CTNNA3: variants seen among roughly 807,000 people sequenced by gnomAD.
The protein encoded by CTNNA3 is catenin alpha-3.
CTNNA3 carries 76 observed loss-of-function variants against 95.7 expected under a neutral mutation model. The ratio of observed to expected loss-of-function variants is 0.79; its 90% CI spans 0.66 to 0.96. The LOEUF (loss-of-function observed/expected upper bound fraction) is 0.96, where lower values mean the gene tolerates loss of function less well. Ranked by LOEUF, CTNNA3 falls within the 40% of genes least tolerant of loss-of-function variation. CTNNA3 has a pLI of 0.00. For synonymous variants in CTNNA3, 431 were observed against 374.4 expected, an observed-to-expected ratio of 1.15 and a Z score of -1.74; for missense variants, 1,191 against 1,089.8, an observed-to-expected ratio of 1.09 and a Z score of -1.31.
chr10:67,128,533 G>T (rs1859835863), intron 7 of CTNNA3, among the ~76,000 whole-genome samples: 1 of 151,864 alleles, frequency 6.6e-6, no homozygotes, highest in African/African-American at 2.4e-5. Flanking sequence ...CACTTTGCAG[G>T]CTGCACTATA....
At chr10:66,021,404 T>G (rs756791230) in intron 15 of CTNNA3, among the ~76,000 whole-genome samples, 1 of 152,194 alleles carries the variant, frequency 6.6e-6, no homozygotes, top group African/African-American at 2.4e-5. Context: ...GGATTTGTGT[T>G]TGTCGTTATT....
rs556525679 is a variant in CTNNA3, at chr10:66,868,572, G to A, written c.1048-93048C>T. Among the ~76,000 whole-genome samples the A allele has an allele frequency of 7.1e-4, 107 of 150,372 alleles. 1 individual carries two copies. Among genetic ancestry groups the A allele is most frequent in the African/African-American group, 2.4e-3 (99 of 40,854 alleles). On this transcript the variant is annotated intron_variant, in intron 7 of 17. Transcript: ENST00000433211. ...TCGAGACCAGCATGGCCAACATGGT[G>A]AAACCCCATCTCTACTAAAAATACA... is the stretch of plus-strand genomic sequence containing the variant.
intron 9 of CTNNA3, among the ~76,000 whole-genome samples, chr10:66,673,498 T>G (rs1846737884): frequency 6.6e-6 from 1 of 152,084 alleles, no homozygotes; most frequent in Non-Finnish European, 1.5e-5. Context: ...AAATAACACT[T>G]TAATACACCA....
intron 3 of CTNNA3, among the ~76,000 whole-genome samples, chr10:67,584,202 T>A (rs1019338648): frequency 1.3e-5 from 2 of 152,348 alleles, no homozygotes; most frequent in South Asian, 4.1e-4. Flanking sequence ...TGTGGTTTTA[T>A]CTACCTTTGG....
At chr10:66,205,199 A>T (rs1425539905) in intron 13 of CTNNA3, among the ~76,000 whole-genome samples, 1 of 152,026 alleles carries the variant, frequency 6.6e-6, no homozygotes, top group African/African-American at 2.4e-5. Context: ...TTTCTATAGT[A>T]CAGTAAGTCC....
intron 11 of CTNNA3, among the ~76,000 whole-genome samples, chr10:66,467,788 G>A (rs1838977662): frequency 6.6e-6 from 1 of 152,022 alleles, no homozygotes; most frequent in Non-Finnish European, 1.5e-5. Context: ...CATAGCGTAT[G>A]GTAAGTGAAA....
chr10:66,444,246 C>A, intron 11 of CTNNA3, among the ~76,000 whole-genome samples: 1 of 152,168 alleles, frequency 6.6e-6, no homozygotes, highest in Non-Finnish European at 1.5e-5. Context: ...TTGGAAAACA[C>A]TCTGCAGGAT....
intron 12 of CTNNA3, among the ~76,000 whole-genome samples, chr10:66,352,240 C>A (rs147914609): frequency 3.8e-4 from 58 of 152,184 alleles, no homozygotes; most frequent in African/African-American, 1.3e-3. Context: ...CATACATGGG[C>A]TCTTTGGGGC....
At chr10:66,457,119 C>CA (rs1281015745) in intron 11 of CTNNA3, among the ~76,000 whole-genome samples, 4 of 151,770 alleles carry the variant, frequency 2.6e-5, no homozygotes, top group Non-Finnish European at 5.9e-5. Context: ...CAAAACAAAA[C>CA]AAAAAAACCT....
At chr10:66,210,204 C>A (rs2088048133) in intron 13 of CTNNA3, among the ~76,000 whole-genome samples, 1 of 151,424 alleles carries the variant, frequency 6.6e-6, no homozygotes, top group Admixed American at 6.6e-5. Context: ...TAAACTGTAT[C>A]ATATATGGGA....
chr10:66,814,398 C>A (rs1197441287), intron 7 of CTNNA3, among the ~76,000 whole-genome samples: 1 of 151,964 alleles, frequency 6.6e-6, no homozygotes, highest in Non-Finnish European at 1.5e-5. Context: ...AGGGGTCAAG[C>A]CTATGATGAA....
chr10:66,386,620 A>G (rs1424366868), intron 11 of CTNNA3, among the ~76,000 whole-genome samples: 1 of 152,214 alleles, frequency 6.6e-6, no homozygotes, highest in Non-Finnish European at 1.5e-5. Context: ...TGGAACCAAA[A>G]AAGAGCCCAC....
intron 5 of CTNNA3, among the ~76,000 whole-genome samples, chr10:67,319,038 C>A (rs896216182): frequency 6.6e-6 from 1 of 152,106 alleles, no homozygotes; most frequent in African/African-American, 2.4e-5. Flanking sequence ...TTATGCTGAC[C>A]ATCTGCTTTC....
intron 11 of CTNNA3, among the ~76,000 whole-genome samples, chr10:66,465,975 G>A (rs1838895206): frequency 6.6e-6 from 1 of 152,092 alleles, no homozygotes; most frequent in Non-Finnish European, 1.5e-5. Flanking sequence ...TTATGCCACA[G>A]TACTCAGATA....
At chr10:67,075,251 G>A (rs990729565) in intron 7 of CTNNA3, among the ~76,000 whole-genome samples, 1 of 151,348 alleles carries the variant, frequency 6.6e-6, no homozygotes, top group African/African-American at 2.4e-5. Context: ...ATAATGGTCA[G>A]AAATCTTAAA....
chr10:66,173,140 A>T (rs1048778146), intron 13 of CTNNA3, among the ~76,000 whole-genome samples: 1 of 152,206 alleles, frequency 6.6e-6, no homozygotes, highest in Admixed American at 6.6e-5. Flanking sequence ...ATCTATTAGA[A>T]GGGTTTCACT....
At chr10:67,190,652 T>A (rs1008866225) in intron 6 of CTNNA3, among the ~76,000 whole-genome samples, 3 of 150,294 alleles carry the variant, frequency 2.0e-5, no homozygotes, top group Non-Finnish European at 4.4e-5. Context: ...AAATGCTTTC[T>A]TTGTTTACCA....
chr10:67,541,033 A>G (rs1445365406), intron 3 of CTNNA3, among the ~76,000 whole-genome samples: 1 of 151,906 alleles, frequency 6.6e-6, no homozygotes, highest in Admixed American at 6.6e-5. Context: ...TCATTGATAC[A>G]CTGTAACTTA....
At chr10:66,856,101 G>A (rs1163516977) in intron 7 of CTNNA3, among the ~76,000 whole-genome samples, 1 of 151,922 alleles carries the variant, frequency 6.6e-6, no homozygotes, top group Non-Finnish European at 1.5e-5. Flanking sequence ...ACACCCTGGT[G>A]TCTGTTGTCT....
Sources: allele counts gnomAD v4.1 joint callset (sites outside exome capture counted in the v4.1 genomes callset), GRCh38; gene constraint gnomAD v4.1.1; transcripts MANE v1.5; gene names NCBI Gene and HGNC (gene_info 2026-07-23, HGNC 2026-07-21).